Variants in CIMIP2A observed in about 807,000 individuals in gnomAD.
The protein encoded by CIMIP2A is ciliary microtubule inner protein 2A.
chr9:137,252,372 T>C, the CIMIP2A span: 2 of 1,519,982 alleles, frequency 1.3e-6, no homozygotes, highest in East Asian at 2.3e-5. Context: ...GGGAGACAGG[T>C]TCGAGTGGGG....
At chr9:137,252,943 G>A in the CIMIP2A span, 6 of 1,600,228 alleles carry the variant, frequency 3.7e-6, no homozygotes, top group Middle Eastern at 1.7e-4. Flanking sequence ...GCTCCCCTGC[G>A]TTCACCTCCT....
the CIMIP2A span, chr9:137,252,073 C>G: frequency 8.7e-6 from 14 of 1,613,010 alleles, no homozygotes; most frequent in Non-Finnish European, 1.2e-5. Context: ...GTGCCGAGCC[C>G]GTCCGTACGA....
the CIMIP2A span, chr9:137,243,843 G>A: frequency 1.3e-6 from 2 of 1,574,072 alleles, no homozygotes; most frequent in South Asian, 1.1e-5. Flanking sequence ...GACCAGCATG[G>A]GCTGGACACC....
the CIMIP2A span, chr9:137,252,695 C>G: frequency 6.4e-7 from 1 of 1,551,338 alleles, no homozygotes; most frequent in Non-Finnish European, 8.7e-7. Context: ...GCTGCTCAGC[C>G]GGCCCGCCTT....
the CIMIP2A span, among the ~76,000 whole-genome samples, chr9:137,253,963 C>T: frequency 6.6e-6 from 1 of 152,210 alleles, no homozygotes; most frequent in Non-Finnish European, 1.5e-5. Flanking sequence ...CTCCCGGGGC[C>T]TTCACCTGCT....
chr9:137,244,427 A>AC, the CIMIP2A span: 1 of 1,527,976 alleles, frequency 6.5e-7, no homozygotes, highest in Non-Finnish European at 8.8e-7. Context: ...GCATCCCCCT[A>AC]CCCCCGACTC....
the CIMIP2A span, chr9:137,244,787 T>C: frequency 6.3e-6 from 10 of 1,596,512 alleles, no homozygotes; most frequent in Non-Finnish European, 8.5e-6. Flanking sequence ...AGCCTTCCCC[T>C]GGGCACACCC....
chr9:137,253,435 C>T, the CIMIP2A span: 2 of 1,441,308 alleles, frequency 1.4e-6, no homozygotes, highest in South Asian at 2.9e-5. Flanking sequence ...GCCTGGATCC[C>T]CCATCTGCCC....
the CIMIP2A span, chr9:137,250,958 T>G: frequency 2.8e-6 from 1 of 362,624 alleles, no homozygotes; most frequent in Non-Finnish European, 5.3e-6. Context: ...CCACCCCCTC[T>G]GCTGAGGCCT....
At chr9:137,251,674 G>A in the CIMIP2A span, 1 of 1,524,168 alleles carries the variant, frequency 6.6e-7, no homozygotes, top group Non-Finnish European at 8.8e-7. Context: ...GAGGGGACAG[G>A]CTGTGGGGCA....
the CIMIP2A span, among the ~76,000 whole-genome samples, chr9:137,254,541 A>C: frequency 1.4e-4 from 21 of 152,366 alleles, no homozygotes; most frequent in Admixed American, 7.8e-4. Context: ...TGGAGGAAGA[A>C]GCCTTCAAGG....
At chr9:137,246,592 T>C in the CIMIP2A span, among the ~76,000 whole-genome samples, 1 of 151,878 alleles carries the variant, frequency 6.6e-6, no homozygotes, top group Non-Finnish European at 1.5e-5. Context: ...TGAAACCCTG[T>C]CTCTATTAAA....
chr9:137,251,108 C>T, the CIMIP2A span: 1 of 613,606 alleles, frequency 1.6e-6, no homozygotes. Context: ...GGTCCTGGCC[C>T]AGGCGGACCC....
chr9:137,252,974 G>A, the CIMIP2A span: 1 of 1,589,854 alleles, frequency 6.3e-7, no homozygotes, highest in Non-Finnish European at 8.6e-7. Context: ...CTGTAAGGAG[G>A]CCTGGAGAGA....
the CIMIP2A span, chr9:137,244,196 G>A: frequency 1.2e-6 from 2 of 1,613,814 alleles, no homozygotes; most frequent in African/African-American, 1.3e-5. Context: ...TGTAGAAGGG[G>A]ATCAGGCCTT....
chr9:137,246,057 C>G, the CIMIP2A span, among the ~76,000 whole-genome samples: 2 of 152,232 alleles, frequency 1.3e-5, no homozygotes, highest in African/African-American at 4.8e-5. Flanking sequence ...GAACAGGCGG[C>G]ACACACCACA....
the CIMIP2A span, chr9:137,244,855 T>G: frequency 1.3e-6 from 2 of 1,564,564 alleles, no homozygotes; most frequent in South Asian, 2.3e-5. Context: ...TCCCTGAACG[T>G]TGGCGACTGT....
chr9:137,243,926 C>G, the CIMIP2A span: 2 of 1,044,094 alleles, frequency 1.9e-6, no homozygotes, highest in Non-Finnish European at 2.9e-6. Flanking sequence ...TTGTTGAAGG[C>G]AGGCCTGTCC....
At chr9:137,252,717 G>T in the CIMIP2A span, 1 of 1,553,962 alleles carries the variant, frequency 6.4e-7, no homozygotes, top group Admixed American at 1.9e-5. Context: ...CCCGCCTTCA[G>T]CTTCAGAGGC....
Sources: allele counts gnomAD v4.1 joint callset (sites outside exome capture counted in the v4.1 genomes callset), GRCh38; gene constraint gnomAD v4.1.1; transcripts MANE v1.5; gene names NCBI Gene and HGNC (gene_info 2026-07-23, HGNC 2026-07-21).